The following HDAC4 variants were observed in gnomAD, a reference collection of about 807,000 sequenced individuals.
HDAC4 encodes the protein histone deacetylase A.
A neutral mutation model predicts 135.1 loss-of-function variants in HDAC4; 16 were observed. The ratio of observed to expected loss-of-function variants is 0.12; its 90% CI spans 0.08 to 0.18. HDAC4 has a LOEUF of 0.18. HDAC4 is among the 10% of genes least tolerant of loss of function. The pLI, the probability that HDAC4 is intolerant of heterozygous loss-of-function variation, is 1.00. For missense variants in HDAC4, 1,143 were observed against 1,511.8 expected (o/e 0.76, Z 4.05); for synonymous variants, 685 against 653.4 (o/e 1.05, Z -0.74).
intron 2 of HDAC4, among the ~76,000 whole-genome samples, chr2:239,279,488 G>A (rs1046427330): frequency 5.9e-5 from 9 of 152,220 alleles, no homozygotes; most frequent in Non-Finnish European, 8.8e-5. Context: ...GTTCAGGCCC[G>A]TCTCTCTGCC....
chr2:239,119,143 G>A (rs531115636), intron 12 of HDAC4, among the ~76,000 whole-genome samples: 1 of 152,348 alleles, frequency 6.6e-6, no homozygotes, highest in Admixed American at 6.5e-5. Flanking sequence ...GGTGCAGTCT[G>A]ATGTGTAACG....
chr2:239,099,696 G>A (rs940361190), intron 16 of HDAC4, among the ~76,000 whole-genome samples: 4 of 152,168 alleles, frequency 2.6e-5, no homozygotes, highest in Admixed American at 6.5e-5. Context: ...CCCCGCCTCC[G>A]CTAGGTACTC....
chr2:239,208,258 C>T (rs571461751), intron 3 of HDAC4, among the ~76,000 whole-genome samples: 3 of 134,692 alleles, frequency 2.2e-5, no homozygotes, highest in East Asian at 2.6e-4. Context: ...ACCCGGGAGG[C>T]GGAGCCTGCA....
rs1022106235 is a variant in HDAC4, at chr2:239,178,293, T to C, written c.340-1730A>G. On this transcript the variant is annotated intron_variant, in intron 4 of 26. Coordinates refer to ENST00000543185, the MANE Select transcript of HDAC4 (RefSeq NM_001378414.1). ...CCCAGTGTCTTGTTTATTTTAGACATAGGGTCTCGCTCTGTTGCCCAGGCT... is the reference window on the plus strand; with the variant it reads ...CCCAGTGTCTTGTTTATTTTAGACACAGGGTCTCGCTCTGTTGCCCAGGCT... Among the ~76,000 whole-genome samples the C allele has an allele frequency of 2.8e-4, 42 of 152,188 alleles. 1 individual carries two copies. Among genetic ancestry groups the C allele is most frequent in the African/African-American group, 9.2e-4 (38 of 41,442 alleles).
At chr2:239,258,347 A>G (rs2049160586) in intron 2 of HDAC4, among the ~76,000 whole-genome samples, 1 of 152,072 alleles carries the variant, frequency 6.6e-6, no homozygotes, top group Non-Finnish European at 1.5e-5. Context: ...GACCCTGGCC[A>G]AGAACTACCC....
chr2:239,052,288 G>A lies in HDAC4; in HGVS notation c.*809C>T, dbSNP rs2030974945. 6.6e-6 allele frequency: 1 copy of A among 152,342 alleles called. No homozygotes were observed. The highest frequency in any genetic ancestry group is 2.1e-4 in the South Asian group (1 of 4,834). 9.4% of individuals were successfully genotyped at this position (152,342 alleles called of 1,614,324 possible). A position where few individuals can be genotyped will look rare whatever the true frequency, so the allele number is the denominator to read the frequency against. On this transcript the variant is annotated 3_prime_UTR_variant, in exon 27 of 27. Transcript: ENST00000543185. ...GCTTGAGGCGTCAGGCCAGCTCGCGGTGCCAGCACTGCCAGGCTCGGCTGG... is the reference window on the plus strand; with the variant it reads ...GCTTGAGGCGTCAGGCCAGCTCGCGATGCCAGCACTGCCAGGCTCGGCTGG...
At chr2:239,242,077 AGAAGGAAG>A (rs143185918) in intron 2 of HDAC4, among the ~76,000 whole-genome samples, 49 of 149,362 alleles carry the variant, frequency 3.3e-4, no homozygotes, top group East Asian at 1.9e-3. Context: ...AGAAAGAAAG[AGAAGGAAG>A]GAAGGAAGGA....
intron 9 of HDAC4, among the ~76,000 whole-genome samples, chr2:239,136,871 C>G (rs1196051988): frequency 1.3e-5 from 2 of 152,220 alleles, no homozygotes; most frequent in Non-Finnish European, 2.9e-5. Context: ...TCACGGCGCA[C>G]CTCGCCCCAG....
chr2:239,252,851 C>T (rs937874593), intron 2 of HDAC4, among the ~76,000 whole-genome samples: 2 of 152,142 alleles, frequency 1.3e-5, no homozygotes, highest in Non-Finnish European at 2.9e-5. Context: ...AGCAGAAATC[C>T]GATCATTTCT....
In HDAC4 at chr2:239,241,026, G is replaced by T. The variant is rs188712881; in HGVS notation, c.23-4362C>A. ...CCCCCACTTCACACTTGGGGAAATG[G>T]CCTCAAGGGCTGTGCAGTTTCCTAG... is the stretch of plus-strand genomic sequence containing the variant. On this transcript the variant is annotated intron_variant, in intron 2 of 26. Coordinates refer to ENST00000543185, the MANE Select transcript of HDAC4 (RefSeq NM_001378414.1). Among the ~76,000 whole-genome samples, 434 of 152,268 alleles carry T rather than the reference G, an allele frequency of 2.9e-3. 2 individuals are homozygous for T. Among genetic ancestry groups the T allele is most frequent in the Non-Finnish European group, 4.3e-3 (291 of 68,018 alleles).
intron 2 of HDAC4, among the ~76,000 whole-genome samples, chr2:239,275,102 A>G (rs1018884887): frequency 6.6e-6 from 1 of 152,228 alleles, no homozygotes; most frequent in Non-Finnish European, 1.5e-5. Context: ...CTACGCTATC[A>G]TTACCATCTC....
intron 5 of HDAC4, among the ~76,000 whole-genome samples, chr2:239,174,110 T>C (rs2043610029): frequency 6.6e-6 from 1 of 152,146 alleles, no homozygotes; most frequent in Admixed American, 6.5e-5. Context: ...TTAAAGAGGA[T>C]GTATCCAAGA....
intron 2 of HDAC4, among the ~76,000 whole-genome samples, chr2:239,268,799 G>A (rs757156293): frequency 6.6e-6 from 1 of 152,190 alleles, no homozygotes; most frequent in Non-Finnish European, 1.5e-5. Context: ...CAAGAACAGG[G>A]TCAGACAGGC....
intron 2 of HDAC4, among the ~76,000 whole-genome samples, chr2:239,275,263 G>A (rs555612244): frequency 2.0e-5 from 3 of 152,376 alleles, no homozygotes; most frequent in South Asian, 2.1e-4. Context: ...GCCGCCCCAC[G>A]CTGGAGCCAG....
intron 3 of HDAC4, among the ~76,000 whole-genome samples, chr2:239,212,585 C>T (rs928299535): frequency 1.3e-5 from 2 of 152,142 alleles, no homozygotes; most frequent in Non-Finnish European, 2.9e-5. Context: ...TCCCTTCTGC[C>T]CCCCATACAG....
chr2:239,311,286 G>T (rs2052863637), intron 2 of HDAC4, among the ~76,000 whole-genome samples: 1 of 152,178 alleles, frequency 6.6e-6, no homozygotes, highest in Non-Finnish European at 1.5e-5. Flanking sequence ...TCACTGGCAT[G>T]CTGGTCTTGC....
chr2:239,311,498 C>T (rs998063011), intron 2 of HDAC4, among the ~76,000 whole-genome samples: 1 of 152,174 alleles, frequency 6.6e-6, no homozygotes. Flanking sequence ...CCAAGTGTTA[C>T]ACCATCCAGT....
intron 2 of HDAC4, among the ~76,000 whole-genome samples, chr2:239,277,325 G>A (rs560809654): frequency 6.6e-6 from 1 of 152,328 alleles, no homozygotes; most frequent in East Asian, 1.9e-4. Context: ...AGGCACAAGG[G>A]TGAGAGGTGG....
chr2:239,354,767 C>T (rs968899951), intron 1 of HDAC4, among the ~76,000 whole-genome samples: 3 of 152,026 alleles, frequency 2.0e-5, no homozygotes, highest in East Asian at 3.9e-4. Flanking sequence ...ATGACAATGA[C>T]TTATTTGTCT....
Sources: gnomAD v4.1 joint callset for allele counts (sites outside exome capture counted in the v4.1 genomes callset) on GRCh38, gnomAD v4.1.1 for gene constraint, MANE v1.5 for transcripts, NCBI Gene and HGNC (gene_info 2026-07-23, HGNC 2026-07-21) for gene names.